CCDC7: variants seen among roughly 807,000 people sequenced by gnomAD.
CCDC7 encodes the protein coiled-coil domain containing 7.
Under a neutral mutation model 196.9 loss-of-function variants are expected in CCDC7, and 183 were observed. The observed-to-expected ratio is 0.93, with a 90% CI of 0.82 to 1.05. The LOEUF is 1.05. CCDC7 is among the 50% of genes least tolerant of loss of function. The pLI is 0.00. For missense variants in CCDC7, 1,540 were observed against 1,482.2 expected, an observed-to-expected ratio of 1.04 and a Z score of -0.64; for synonymous variants, 525 against 484.6, an observed-to-expected ratio of 1.08 and a Z score of -1.10.
intron 5 of CCDC7, among the ~76,000 whole-genome samples, chr10:32,463,255 T>C (rs1306106859): frequency 6.6e-6 from 1 of 152,170 alleles, no homozygotes; most frequent in Non-Finnish European, 1.5e-5. Context: ...TGCATATATC[T>C]GGTATACTCC....
At chr10:32,709,518 C>A (rs1425011253) in intron 24 of CCDC7, among the ~76,000 whole-genome samples, 3 of 152,064 alleles carry the variant, frequency 2.0e-5, no homozygotes, top group African/African-American at 7.2e-5. Flanking sequence ...AAACCTAGAT[C>A]TTTCAGATGT....
At chr10:32,873,679 G>C (rs1459580361) in intron 41 of CCDC7, among the ~76,000 whole-genome samples, 1 of 151,980 alleles carries the variant, frequency 6.6e-6, no homozygotes, top group Non-Finnish European at 1.5e-5. Flanking sequence ...GAATGATGCT[G>C]CTATGAACAT....
intron 25 of CCDC7, among the ~76,000 whole-genome samples, chr10:32,716,883 C>CT (rs2081671360): frequency 1.3e-5 from 2 of 152,090 alleles, no homozygotes; most frequent in Admixed American, 6.5e-5. Flanking sequence ...TACAGGAGCA[C>CT]CCAGATTCAT....
intron 20 of CCDC7, among the ~76,000 whole-genome samples, chr10:32,642,743 G>C (rs117897593): frequency 5.3e-5 from 8 of 152,256 alleles, no homozygotes; most frequent in Non-Finnish European, 4.4e-5. Flanking sequence ...CGTCTTCTGC[G>C]TCACTCACAC....
chr10:32,444,278 T>A (rs988727417), upstream of CCDC7, among the ~76,000 whole-genome samples: 1 of 152,246 alleles, frequency 6.6e-6, no homozygotes. Context: ...AAGTATTGTT[T>A]GTTTTCAAAG....
intron 1 of CCDC7, chr10:32,446,636 G>GTTCATCCTTC (rs2133214574): frequency 6.6e-6 from 1 of 152,280 alleles, no homozygotes; most frequent in African/African-American, 2.4e-5. Context: ...ATGAATGTAA[G>GTTCATCCTTC]TTAATCCTTG....
intron 18 of CCDC7, among the ~76,000 whole-genome samples, chr10:32,626,929 T>C (rs2064127329): frequency 6.6e-6 from 1 of 152,064 alleles, no homozygotes; most frequent in Non-Finnish European, 1.5e-5. Flanking sequence ...TTTTTGGCAG[T>C]ACCATGCTGT....
intron 24 of CCDC7, among the ~76,000 whole-genome samples, chr10:32,697,098 G>A (rs766641238): frequency 2.0e-5 from 3 of 152,140 alleles, no homozygotes; most frequent in Non-Finnish European, 2.9e-5. Flanking sequence ...TGTAGAATGA[G>A]TGGGAGCCCT....
At chr10:32,831,941 A>G (rs1251569103) in intron 32 of CCDC7, among the ~76,000 whole-genome samples, 2 of 152,246 alleles carry the variant, frequency 1.3e-5, no homozygotes, top group African/African-American at 4.8e-5. Context: ...TGTACTGTAC[A>G]TAATTCTATG....
chr10:32,556,159 T>C (rs1481638164), intron 13 of CCDC7, among the ~76,000 whole-genome samples: 1 of 152,218 alleles, frequency 6.6e-6, no homozygotes, highest in African/African-American at 2.4e-5. Context: ...ATTTGTAGTC[T>C]GCCACAGTGG....
chr10:32,625,686 G>A (rs58456781), intron 18 of CCDC7, among the ~76,000 whole-genome samples: 6,936 of 151,872 alleles, frequency 0.046, 536 homozygotes, highest in African/African-American at 0.16. Context: ...TTTATTCCTC[G>A]TGAATAACTG....
chr10:32,709,930 C>G (rs1466036010), intron 24 of CCDC7, among the ~76,000 whole-genome samples: 1 of 152,096 alleles, frequency 6.6e-6, no homozygotes, highest in Admixed American at 6.6e-5. Context: ...CAAGGGATCA[C>G]CAGTATGGTT....
At chr10:32,799,033 G>A (rs1406942583) in intron 29 of CCDC7, among the ~76,000 whole-genome samples, 1 of 152,272 alleles carries the variant, frequency 6.6e-6, no homozygotes, top group East Asian at 1.9e-4. Context: ...AGCTGCTCGA[G>A]CCCGATCATG....
chr10:32,613,643 T>C (rs947718254), intron 18 of CCDC7, among the ~76,000 whole-genome samples: 6 of 152,200 alleles, frequency 3.9e-5, no homozygotes, highest in Non-Finnish European at 7.3e-5. Flanking sequence ...CAAGAACTTA[T>C]TTATTTCTGC....
intron 3 of CCDC7, 83 bp from the exon 5 acceptor site, chr10:32,462,600 T>A: frequency 9.0e-7 from 1 of 1,112,328 alleles, no homozygotes; most frequent in South Asian, 1.7e-5. Flanking sequence ...GATTGAAAAT[T>A]GCAAAAGACT....
At position 32,710,692 on chromosome 10, in the gene CCDC7, C is replaced by G. The variant is rs148793565; in HGVS notation, c.2459-928C>G. 6.6e-3 allele frequency among the ~76,000 whole-genome samples: 1,007 copies of G among 152,276 alleles called. 8 individuals are homozygous for G. The highest frequency in any genetic ancestry group is 0.022 in the African/African-American group (902 of 41,546). ...CTTGCAAATGATCCACTAGTATCCC[C>G]CAAGAGGTCTCAACTCTAGCATCTC... On this transcript the variant is annotated intron_variant, in intron 24 of 41. Transcript: ENST00000639629.
At chr10:32,578,853 A>C (rs2058479303) in intron 16 of CCDC7, among the ~76,000 whole-genome samples, 2 of 152,072 alleles carry the variant, frequency 1.3e-5, no homozygotes, top group African/African-American at 4.8e-5. Flanking sequence ...GCCTTCTCCA[A>C]ATTTATCTGA....
upstream of CCDC7, among the ~76,000 whole-genome samples, chr10:32,448,420 C>T (rs1172897360): frequency 6.6e-6 from 1 of 151,952 alleles, no homozygotes; most frequent in Non-Finnish European, 1.5e-5. Flanking sequence ...ATTGAAATAT[C>T]TGCATTTTGG....
intron 20 of CCDC7, among the ~76,000 whole-genome samples, chr10:32,654,644 G>A (rs900777356): frequency 1.2e-4 from 18 of 152,050 alleles, no homozygotes; most frequent in East Asian, 3.8e-4. Flanking sequence ...CCTTGTAGAG[G>A]GGCTCCCTGT....
Sources: allele counts gnomAD v4.1 joint callset (sites outside exome capture counted in the v4.1 genomes callset), GRCh38; gene constraint gnomAD v4.1.1; transcripts MANE v1.5; gene names NCBI Gene and HGNC (gene_info 2026-07-23, HGNC 2026-07-21).